AUTS2: variants seen among roughly 807,000 people sequenced by gnomAD.
AUTS2 encodes the protein activator of transcription and developmental regulator AUTS2, also known as autism susceptibility gene 2 protein.
A neutral mutation model predicts 112.4 loss-of-function variants in AUTS2; 17 were observed. The observed-to-expected ratio is 0.15, with a 90% confidence interval of 0.10 to 0.23. The LOEUF (loss-of-function observed/expected upper bound fraction) is 0.23. Ranked by LOEUF, AUTS2 falls within the 10% of genes least tolerant of loss-of-function variation. The probability of loss-of-function intolerance (pLI) is 1.00; values close to 1 mark genes in which losing one functional copy is unlikely to be tolerated. For synonymous variants in AUTS2, 751 were observed against 702.7 expected, an observed-to-expected ratio of 1.07 and a Z score of -1.09; for missense variants, 1,510 against 1,701.6, an observed-to-expected ratio of 0.89 and a Z score of 1.98.
chr7:70,089,278 TG>T (rs1803783591), intron 2 of AUTS2, among the ~76,000 whole-genome samples: 1 of 152,186 alleles, frequency 6.6e-6, no homozygotes, highest in East Asian at 1.9e-4. Context: ...ATTTCTCCTT[TG>T]AGTTCTATCA....
chr7:70,328,074 G>A (rs1374832804), intron 4 of AUTS2, among the ~76,000 whole-genome samples: 1 of 152,060 alleles, frequency 6.6e-6, no homozygotes, highest in East Asian at 1.9e-4. Context: ...TCTACTTTAG[G>A]ATTCTTATCT....
Position 70,247,019 on chromosome 7 carries a change from A to G in AUTS2, c.660+112448A>G, listed in dbSNP as rs188709155. On this transcript the variant is annotated intron_variant, in intron 4 of 18. Coordinates refer to ENST00000342771, the MANE Select transcript of AUTS2 (RefSeq NM_015570.4). ...TAGCAGCAGTTCTCGTTCTTCGTAT[A>G]TACCCAAAATCATTCATAGCAGGGA... Among the ~76,000 whole-genome samples, 17 of 152,200 alleles carry G rather than the reference A, an allele frequency of 1.1e-4. No homozygotes were observed. The East Asian group carries it at 2.3e-3, about 21-fold the overall frequency.
chr7:70,099,603 C>T (rs1804381621), intron 2 of AUTS2, among the ~76,000 whole-genome samples: 1 of 151,976 alleles, frequency 6.6e-6, no homozygotes, highest in Admixed American at 6.6e-5. Context: ...CTTATTCTTC[C>T]ACTCAGATCA....
chr7:70,340,411 A>T (rs946897697), intron 4 of AUTS2, among the ~76,000 whole-genome samples: 1 of 152,092 alleles, frequency 6.6e-6, no homozygotes, highest in Admixed American at 6.5e-5. Context: ...TAACTGAAAG[A>T]TCTGAATCTC....
chr7:69,732,534 G>A lies in AUTS2; in HGVS notation c.309+132572G>A, dbSNP rs371412074. ...GAATTTCTTTTTCTCTTAGCCCACA[G>A]GTGTATTTATGTGTCCTGGTATTTC... On this transcript the variant is annotated intron_variant, in intron 1 of 18. Transcript: ENST00000342771. Among the ~76,000 whole-genome samples, 61 of 152,128 alleles carry A rather than the reference G, an allele frequency of 4.0e-4. 1 individual carries two copies. The South Asian group carries it at 0.013, about 31-fold the overall frequency.
At chr7:70,055,541 T>C (rs1801954887) in intron 2 of AUTS2, among the ~76,000 whole-genome samples, 1 of 152,264 alleles carries the variant, frequency 6.6e-6, no homozygotes, top group Admixed American at 6.5e-5. Flanking sequence ...CTCTGTTGTA[T>C]TGAGAATGCT....
At chr7:70,222,313 G>T (rs1811528746) in intron 4 of AUTS2, among the ~76,000 whole-genome samples, 3 of 152,136 alleles carry the variant, frequency 2.0e-5, no homozygotes, top group Admixed American at 2.0e-4. Flanking sequence ...ATGTAGGAAG[G>T]GTGTTTGCAA....
intron 5 of AUTS2, among the ~76,000 whole-genome samples, chr7:70,668,328 C>G (rs1042660883): frequency 9.2e-5 from 14 of 152,264 alleles, no homozygotes; most frequent in African/African-American, 3.4e-4. Flanking sequence ...GCTGCTGGCC[C>G]CAGGACCACA....
intron 2 of AUTS2, among the ~76,000 whole-genome samples, chr7:69,964,705 C>T (rs1313334841): frequency 3.3e-5 from 5 of 151,830 alleles, no homozygotes; most frequent in Non-Finnish European, 5.9e-5. Context: ...TTAGGACAAA[C>T]GGGGAACGAT....
chr7:70,576,287 G>GA (rs1298608830), intron 5 of AUTS2, among the ~76,000 whole-genome samples: 2 of 152,112 alleles, frequency 1.3e-5, no homozygotes, highest in African/African-American at 2.4e-5. Flanking sequence ...CCCTAAGAAG[G>GA]AAAGGGGTCA....
intron 4 of AUTS2, among the ~76,000 whole-genome samples, chr7:70,272,433 G>A (rs1787737264): frequency 6.6e-6 from 1 of 152,150 alleles, no homozygotes; most frequent in East Asian, 1.9e-4. Context: ...AAATATCAGA[G>A]GGGACATGTA....
chr7:69,736,945 G>A (rs1787054654), intron 1 of AUTS2, among the ~76,000 whole-genome samples: 1 of 152,138 alleles, frequency 6.6e-6, no homozygotes, highest in African/African-American at 2.4e-5. Context: ...AACATTTAAA[G>A]TCCAGGACAT....
chr7:69,599,143 C>A lies in AUTS2; in HGVS notation c.-511C>A, dbSNP rs941574184. 6.7e-6 allele frequency: 1 copy of A among 150,180 alleles called. No individual in the cohort carries two copies. Among genetic ancestry groups the A allele is most frequent in the African/African-American group, 2.5e-5 (1 of 40,758 alleles). 9.3% of individuals were successfully genotyped at this position (150,180 alleles called of 1,614,324 possible). ...TGAAGTTCATTGCCCCCACTTTTCC[C>A]GCGACCTTTTTCGGACCCGATTTTG... On this transcript the variant is annotated 5_prime_UTR_variant, in exon 1 of 19. Coordinates refer to ENST00000342771, the MANE Select transcript of AUTS2 (RefSeq NM_015570.4). This position sits in a 1 kb window ranked among gnomAD's most constrained non-coding sequence, Gnocchi z 7.0.
At chr7:69,990,026 C>T (rs958100148) in intron 2 of AUTS2, among the ~76,000 whole-genome samples, 5 of 152,200 alleles carry the variant, frequency 3.3e-5, no homozygotes, top group East Asian at 3.9e-4. Flanking sequence ...TCCATGAAAC[C>T]GGTGCCTGAT....
chr7:69,777,143 C>T, intron 1 of AUTS2, among the ~76,000 whole-genome samples: 1 of 152,178 alleles, frequency 6.6e-6, no homozygotes, highest in Non-Finnish European at 1.5e-5. Context: ...TGCTCTTGGG[C>T]ATTTCCAGAT....
At chr7:70,595,962 C>G (rs901970551) in intron 5 of AUTS2, 2 of 152,232 alleles carry the variant, frequency 1.3e-5, no homozygotes, top group Non-Finnish European at 1.5e-5. Flanking sequence ...TGCGCGCGCT[C>G]TGCCTGCGCG....
intron 4 of AUTS2, among the ~76,000 whole-genome samples, chr7:70,185,257 C>CTTTTTTTTTTTTTTTTTTTTTTTTTTT (rs35215443): frequency 2.3e-5 from 2 of 87,116 alleles, no homozygotes; most frequent in African/African-American, 4.6e-5. Flanking sequence ...TGACATTAAA[C>CTTTTTTTTTTTTTTTTTTTTTTTTTTT]TTTTTTTTTT....
intron 2 of AUTS2, among the ~76,000 whole-genome samples, chr7:69,944,295 G>A (rs1796728896): frequency 6.6e-6 from 1 of 152,168 alleles, no homozygotes; most frequent in Non-Finnish European, 1.5e-5. Flanking sequence ...TTGTCTTAGA[G>A]AAGAGAAACT....
intron 4 of AUTS2, among the ~76,000 whole-genome samples, chr7:70,318,365 G>A (rs1428326252): frequency 6.6e-6 from 1 of 152,106 alleles, no homozygotes; most frequent in African/African-American, 2.4e-5. Flanking sequence ...GGAAAGTCCA[G>A]GGAGAGTTAA....
Sources: allele counts gnomAD v4.1 joint callset (sites outside exome capture counted in the v4.1 genomes callset), GRCh38; gene constraint gnomAD v4.1.1; non-coding constraint Gnocchi (gnomAD v3.1); transcripts MANE v1.5; gene names NCBI Gene and HGNC (gene_info 2026-07-23, HGNC 2026-07-21).